The following TTC23L variants were observed in gnomAD, a reference collection of about 807,000 sequenced individuals.
The protein encoded by TTC23L is tetratricopeptide repeat protein 23-like.
Under a neutral mutation model 48.1 loss-of-function variants are expected in TTC23L, and 42 were observed. That is an observed-to-expected ratio of 0.87 (90% CI 0.68 to 1.13). TTC23L has a LOEUF of 1.13. TTC23L is among the 50% of genes most tolerant of loss of function. The pLI, the probability that TTC23L is intolerant of heterozygous loss-of-function variation, is 0.00. For synonymous variants in TTC23L, 159 were observed against 157.2 expected (o/e 1.01, Z -0.09); for missense variants, 391 against 421.0 (o/e 0.93, Z 0.62).
chr5:34,918,431 A>G, the TTC23L span: 1 of 1,610,968 alleles, frequency 6.2e-7, no homozygotes, highest in South Asian at 1.1e-5. Context: ...AGAACAAGAC[A>G]TTTAATGCAG....
chr5:34,891,653 G>A (rs1762873756), intron 9 of TTC23L, among the ~76,000 whole-genome samples: 1 of 152,074 alleles, frequency 6.6e-6, no homozygotes, highest in Admixed American at 6.5e-5. Context: ...GAAACTAAAA[G>A]AACAAAATGT....
chr5:34,925,092 A>G, the TTC23L span: 1 of 1,459,736 alleles, frequency 6.9e-7, no homozygotes, highest in Non-Finnish European at 9.1e-7. Flanking sequence ...TTTGCTGCAT[A>G]GAAACTTGGA....
At chr5:34,867,010 G>A in exon 7 of TTC23L, 1 of 1,612,208 alleles carries the variant, frequency 6.2e-7, no homozygotes, top group Non-Finnish European at 8.5e-7. Flanking sequence ...GTACGAGGAA[G>A]CTGCTCAGAT....
At chr5:34,872,805 G>A (rs1233097875) in intron 8 of TTC23L, among the ~76,000 whole-genome samples, 1 of 152,224 alleles carries the variant, frequency 6.6e-6, no homozygotes, top group African/African-American at 2.4e-5. Flanking sequence ...GCTCACGCCT[G>A]TAATCCCAGC....
At chr5:34,913,566 G>A in the TTC23L span, 1 of 1,584,452 alleles carries the variant, frequency 6.3e-7, no homozygotes, top group South Asian at 1.1e-5. Context: ...TTAAACTCCT[G>A]AAATATTCCA....
the TTC23L span, chr5:34,915,715 C>G: frequency 3.2e-6 from 5 of 1,586,162 alleles, no homozygotes; most frequent in East Asian, 6.8e-5. Flanking sequence ...GAAAGGAGGC[C>G]AAGAGCGCGG....
At chr5:34,848,922 T>C (rs1759444983) in intron 3 of TTC23L, among the ~76,000 whole-genome samples, 1 of 152,246 alleles carries the variant, frequency 6.6e-6, no homozygotes, top group African/African-American at 2.4e-5. Context: ...AGTCATGATC[T>C]AATTTATATC....
intron 4 of TTC23L, chr5:34,861,640 G>C (rs1760667164): frequency 6.6e-6 from 1 of 152,154 alleles, no homozygotes; most frequent in Non-Finnish European, 1.5e-5. Context: ...ACACATGAGG[G>C]CTGCAGGTAT....
chr5:34,880,535 T>C, intron 9 of TTC23L: 1 of 512,496 alleles, frequency 2.0e-6, no homozygotes, highest in African/African-American at 2.0e-5. Context: ...ATTTAGTTTG[T>C]ACTTGGAAAC....
downstream of TTC23L, chr5:34,902,498 C>T (rs964561753): frequency 2.0e-5 from 5 of 249,042 alleles, no homozygotes; most frequent in East Asian, 2.1e-4. Context: ...TCTATATCAA[C>T]GCACTCAGTG....
At chr5:34,893,285 T>G (rs1345271131) in intron 9 of TTC23L, among the ~76,000 whole-genome samples, 1 of 152,218 alleles carries the variant, frequency 6.6e-6, no homozygotes, top group East Asian at 1.9e-4. Context: ...AGAGGAATAA[T>G]CTTGGAGGAT....
In TTC23L at chr5:34,868,898, A is replaced by G; in HGVS notation, c.841-7A>G. The G allele has an allele frequency of 2.5e-6, 4 of 1,597,562 alleles. No individual in the cohort carries two copies. In the Admixed American group the frequency reaches 5.2e-5, roughly 21 times the overall value. ...TGCTTACCTTGTCATGATTTTCTTT[A>G]TTCCAGGCTCATTCTGTCTGTGTTT... is the stretch of plus-strand genomic sequence containing the variant. On this transcript the variant is annotated splice_region_variant and splice_polypyrimidine_tract_variant and intron_variant, in intron 7 of 10. Transcript: ENST00000505624.
chr5:34,850,698 G>A (rs1453346053), intron 4 of TTC23L, among the ~76,000 whole-genome samples: 1 of 152,096 alleles, frequency 6.6e-6, no homozygotes, highest in Non-Finnish European at 1.5e-5. Context: ...CATCAGGGAG[G>A]CAGACCCAAT....
At chr5:34,921,907 CAA>C in the TTC23L span, 172 of 35,326 alleles carry the variant, frequency 4.9e-3, no homozygotes, top group East Asian at 9.3e-3. Context: ...AACTGCATCG[CAA>C]AAAAAAAAAA....
chr5:34,913,599 A>T, the TTC23L span: 1 of 1,443,426 alleles, frequency 6.9e-7, no homozygotes, highest in African/African-American at 1.4e-5. Flanking sequence ...AGTAAAAATG[A>T]AAATTGTTAC....
At chr5:34,895,133 C>T (rs1289312498) in intron 9 of TTC23L, among the ~76,000 whole-genome samples, 1 of 152,144 alleles carries the variant, frequency 6.6e-6, no homozygotes, top group Non-Finnish European at 1.5e-5. Context: ...CAAAATGGCC[C>T]CTTCCTTCCA....
chr5:34,895,632 A>G (rs1483638042), intron 9 of TTC23L, among the ~76,000 whole-genome samples: 3 of 152,208 alleles, frequency 2.0e-5, no homozygotes, highest in Non-Finnish European at 4.4e-5. Flanking sequence ...CTCAATGCCT[A>G]TTAAACTATT....
intron 7 of TTC23L, chr5:34,867,566 G>A (rs1580453804): frequency 1.2e-5 from 2 of 163,196 alleles, no homozygotes; most frequent in African/African-American, 4.8e-5. Flanking sequence ...CAAATGCCCG[G>A]GGGAAAACAA....
chr5:34,874,226 A>G (rs62356977), intron 8 of TTC23L, among the ~76,000 whole-genome samples: 33,090 of 152,122 alleles, frequency 0.22, 3,759 homozygotes, highest in South Asian at 0.32. Flanking sequence ...GTAAAGAAAT[A>G]TTAAAAGAAG....
Sources: gnomAD v4.1 joint callset for allele counts (sites outside exome capture counted in the v4.1 genomes callset) on GRCh38, gnomAD v4.1.1 for gene constraint, MANE v1.5 for transcripts, NCBI Gene and HGNC (gene_info 2026-07-23, HGNC 2026-07-21) for gene names.